ATAD3C: variants seen among roughly 807,000 people sequenced by gnomAD.
ATAD3C encodes ATPase family AAA domain-containing protein 3C.
In ATAD3C, 38 loss-of-function variants were observed where a neutral mutation model predicts 46.3. That is an observed-to-expected ratio of 0.82 (90% CI 0.63 to 1.08). The LOEUF is 1.08. Ranked by LOEUF, ATAD3C falls within the 50% of genes least tolerant of loss-of-function variation. The pLI is 0.00. For synonymous variants in ATAD3C, 220 were observed against 236.4 expected (o/e 0.93, Z 0.63); for missense variants, 563 against 572.7 (o/e 0.98, Z 0.17).
chr1:1,455,311 T>C, intron 4 of ATAD3C, 149 bp from the exon 5 acceptor site: 1 of 1,037,680 alleles, frequency 9.6e-7, no homozygotes, highest in Non-Finnish European at 1.4e-6. Flanking sequence ...ACACCCAGTC[T>C]CCCGGCGGGG....
At chr1:1,452,267 G>T in intron 2 of ATAD3C, 98 bp from the exon 3 acceptor site, 4 of 1,597,394 alleles carry the variant, frequency 2.5e-6, no homozygotes, top group Non-Finnish European at 1.7e-6. Flanking sequence ...GTCCTGGCAG[G>T]ACCAGGCTGC....
intron 1 of ATAD3C, 21 bp downstream of exon 1, chr1:1,450,779 C>G (rs2489827): frequency 6.2e-7 from 1 of 1,611,462 alleles, no homozygotes; most frequent in Non-Finnish European, 8.5e-7. Context: ...CCGGTGTGGG[C>G]GGGGAGGCCG....
Position 1,462,477 on chromosome 1 carries a change from TAG to T in ATAD3C, c.981-118_981-117del, listed in dbSNP as rs1639084116. 25 of 1,042,788 alleles carry T rather than the reference TAG, an allele frequency of 2.4e-5. 1 individual carries two copies. Among genetic ancestry groups the T allele is most frequent in the Non-Finnish European group, 1.0e-5 (7 of 698,366 alleles). 64.6% of individuals were successfully genotyped at this position (1,042,788 alleles called of 1,614,324 possible). A position where few individuals can be genotyped will look rare whatever the true frequency, so the allele number is the denominator to read the frequency against. ...GGGGGCGGAACTTGGCTGTCACAGG[TAG>T]AGAGTCCCTCTCAAGGGGGCATCTG... On this transcript the variant is annotated intron_variant, in intron 10 of 11. Coordinates refer to ENST00000378785, the MANE Select transcript of ATAD3C (RefSeq NM_001039211.3). The surrounding 1 kb of genome is among the most constrained non-coding windows in gnomAD (Gnocchi z 4.5).
chr1:1,457,967 C>T lies in ATAD3C; in HGVS notation c.741+787C>T, dbSNP rs188078767. 1.7e-3 allele frequency among the ~76,000 whole-genome samples: 261 copies of T among 151,766 alleles called. 2 individuals carry two copies. Among genetic ancestry groups the T allele is most frequent in the African/African-American group, 5.8e-3 (241 of 41,382 alleles). On this transcript the variant is annotated intron_variant, in intron 8 of 11. Coordinates refer to ENST00000378785, the MANE Select transcript of ATAD3C (RefSeq NM_001039211.3). ...CTGGTATTATAGGTGTGAGCCACTG[C>T]ACCCGGTCTATTTTTATTTTTATTT... is the stretch of plus-strand genomic sequence containing the variant.
At chr1:1,457,555 T>C (rs1184778729) in intron 8 of ATAD3C, among the ~76,000 whole-genome samples, 10 of 131,612 alleles carry the variant, frequency 7.6e-5, no homozygotes, top group African/African-American at 2.5e-4. Context: ...GAGATCGTGC[T>C]GCTGCACTCC....
chr1:1,465,287 T>C (rs1162021736), intron 11 of ATAD3C, among the ~76,000 whole-genome samples: 1 of 151,754 alleles, frequency 6.6e-6, no homozygotes, highest in Non-Finnish European at 1.5e-5. Flanking sequence ...TTTCATAATT[T>C]CCCTTTCAGA....
chr1:1,464,427 C>T (rs368647977), intron 11 of ATAD3C, among the ~76,000 whole-genome samples: 1 of 150,966 alleles, frequency 6.6e-6, no homozygotes, highest in East Asian at 1.9e-4. Flanking sequence ...CTGCTCACAG[C>T]GGTGGTGGTG....
chr1:1,467,644 C>T (rs184304312), intron 11 of ATAD3C, among the ~76,000 whole-genome samples: 3,394 of 152,136 alleles, frequency 0.022, 174 homozygotes, highest in Admixed American at 0.11. Context: ...CTCAGCTGTC[C>T]GGGAAGGGTC....
intron 11 of ATAD3C, among the ~76,000 whole-genome samples, chr1:1,463,378 G>C (rs534730431): frequency 2.2e-4 from 33 of 152,246 alleles, no homozygotes; most frequent in South Asian, 2.1e-3. Context: ...CACAGAGTCT[G>C]TGTGACAATC....
chr1:1,458,390 T>A (rs1347901234), intron 8 of ATAD3C, among the ~76,000 whole-genome samples: 3 of 151,420 alleles, frequency 2.0e-5, no homozygotes, highest in Admixed American at 2.0e-4. Flanking sequence ...TTCCCCTGCC[T>A]CGGCCTCCCA....
At position 1,462,801 on chromosome 1, in the gene ATAD3C, G is replaced by A. The variant is rs535825837; in HGVS notation, c.1089+93G>A. The A allele has an allele frequency of 3.7e-5, 53 of 1,420,468 alleles. No individual in the cohort carries two copies. The highest frequency in any genetic ancestry group is 1.5e-4 in the East Asian group (6 of 39,776). 88.0% of individuals were successfully genotyped at this position (1,420,468 alleles called of 1,614,324 possible). ...AGGCCTGTCCCAGCACCGGTGTCAC[G>A]TGGGAGCTTCTGTTGAGGGGTTTTC... On this transcript the variant is annotated intron_variant, in intron 11 of 11. Transcript: ENST00000378785. This position sits in a 1 kb window ranked among gnomAD's most constrained non-coding sequence, Gnocchi z 4.5.
At position 1,459,852 on chromosome 1, in the gene ATAD3C, T is replaced by C. The variant is rs918231603; in HGVS notation, c.812+621T>C. On this transcript the variant is annotated intron_variant, in intron 9 of 11. Coordinates refer to ENST00000378785, the MANE Select transcript of ATAD3C (RefSeq NM_001039211.3). The surrounding 1 kb of genome is among the most constrained non-coding windows in gnomAD (Gnocchi z 4.9). ...TTTTGAGTTTTCTTGGTCTCCTGGG[T>C]CCCTCCAGCCCCAGTCACGTGTCAC... Among the ~76,000 whole-genome samples the C allele has an allele frequency of 6.6e-5, 10 of 151,926 alleles. No individual in the cohort carries two copies. Among genetic ancestry groups the C allele is most frequent in the African/African-American group, 9.7e-5 (4 of 41,386 alleles).
In ATAD3C at chr1:1,450,410, T is replaced by G. The variant is rs1383600841; in HGVS notation, c.-274T>G. On this transcript the variant is annotated 5_prime_UTR_variant, in exon 1 of 12. Transcript: ENST00000378785. ...CTTTCTGTTGAATTGGGAAAGAGCC[T>G]CCTCCCGTCCACATGGGATGGCCTT... 5.0e-6 allele frequency: 2 copies of G among 397,414 alleles called. No homozygotes were observed. Among genetic ancestry groups the G allele is most frequent in the Non-Finnish European group, 9.4e-6 (2 of 212,034 alleles). The allele number at this position is 397,414 out of a possible 1,614,324, so 24.6% of individuals were successfully genotyped here. A position where few individuals can be genotyped will look rare whatever the true frequency, so the allele number is the denominator to read the frequency against.
Position 1,452,034 on chromosome 1 carries a change from GCTT to G in ATAD3C, c.76-6_76-4del, listed in dbSNP as rs780310897. 9.5e-5 allele frequency: 154 copies of G among 1,613,370 alleles called. 2 individuals carry two copies. Among genetic ancestry groups the G allele is most frequent in the South Asian group, 8.0e-4 (73 of 90,996 alleles). On this transcript the variant is annotated splice_polypyrimidine_tract_variant and intron_variant, in intron 1 of 11. Transcript: ENST00000378785. ...TTAAAGGCTTTTCTCTTTTTCTGCGGCTTCTTCTCAGCAACTTGTCAATGAGGA... is the reference window on the plus strand; with the variant it reads ...TTAAAGGCTTTTCTCTTTTTCTGCGGCTTCTCAGCAACTTGTCAATGAGGA...
rs1357987480 is a variant in ATAD3C at position 1,454,493 on chromosome 1, C to T, written c.371C>T (p.Pro124Leu). Reference protein sequence around the residue: ...RITVLEALRHPIQQVSRRLLS... With the variant: ...RITVLEALRHLIQQVSRRLLS... The stretch of plus-strand genomic sequence containing the variant: ...ACGGTGCTTGAGGCGCTGCGGCACC[C>T]CATCCAGGTAGCGGCGCAGGCCTGG... The change falls in exon 4 of 12, where the codon CCC becomes CTC. Residue 124 changes from proline (P) to leucine (L), a missense_variant. By Grantham distance (98) the Pro-to-Leu change is moderately conservative. Coordinates refer to ENST00000378785, the MANE Select transcript of ATAD3C (RefSeq NM_001039211.3). 7.5e-6 allele frequency: 12 copies of T among 1,608,328 alleles called. No individual in the cohort carries two copies. Among genetic ancestry groups the T allele is most frequent in the Non-Finnish European group, 1.0e-5 (12 of 1,179,028 alleles).
rs192038079 is a variant in ATAD3C, at chr1:1,461,689, G to C, written c.980+772G>C. Among the ~76,000 whole-genome samples, 299 of 146,838 alleles carry C rather than the reference G, an allele frequency of 2.0e-3. 5 individuals are homozygous for C. The highest frequency in any genetic ancestry group is 7.2e-3 in the African/African-American group (285 of 39,392). Reference sequence around the variant, plus strand: ...CTCATGAGACCCCCATGTAGGGACTGGAGGGAGAGGCTCCTCATGAGACCC... The same window carrying C: ...CTCATGAGACCCCCATGTAGGGACTCGAGGGAGAGGCTCCTCATGAGACCC... On this transcript the variant is annotated intron_variant, in intron 10 of 11. Coordinates refer to ENST00000378785, the MANE Select transcript of ATAD3C (RefSeq NM_001039211.3).
Position 1,462,854 on chromosome 1 carries a change from G to C in ATAD3C, c.1089+146G>C. 1 of 1,024,726 alleles carries C rather than the reference G, an allele frequency of 9.8e-7. No homozygotes were observed. Among genetic ancestry groups the C allele is most frequent in the Non-Finnish European group, 1.4e-6 (1 of 710,386 alleles). 63.5% of individuals were successfully genotyped at this position (1,024,726 alleles called of 1,614,324 possible). On this transcript the variant is annotated intron_variant, in intron 11 of 11. Coordinates refer to ENST00000378785, the MANE Select transcript of ATAD3C (RefSeq NM_001039211.3). This position sits in a 1 kb window ranked among gnomAD's most constrained non-coding sequence, Gnocchi z 4.5. ...TGCACAGATGTGACACGGGGCCCCT[G>C]CCCCAGTTGGGCCACTCCACGCAGC...
In ATAD3C at chr1:1,469,581, G is replaced by C. The variant is rs1175112739; in HGVS notation, c.*1051G>C. 6.6e-6 allele frequency: 1 copy of C among 151,678 alleles called. No individual in the cohort carries two copies. Among genetic ancestry groups the C allele is most frequent in the Non-Finnish European group, 1.5e-5 (1 of 68,012 alleles). The allele number at this position is 151,678 out of a possible 1,614,324, so 9.4% of individuals were successfully genotyped here. ...TGGGTAGAGACAGGGTCCCTTTGTT[G>C]CCCAGGCTGGTCTCCAACTCCTGGG... On this transcript the variant is annotated 3_prime_UTR_variant, in exon 12 of 12. Coordinates refer to ENST00000378785, the MANE Select transcript of ATAD3C (RefSeq NM_001039211.3).
At chr1:1,452,900 G>C (rs1336910366) in intron 3 of ATAD3C, among the ~76,000 whole-genome samples, 1 of 151,970 alleles carries the variant, frequency 6.6e-6, no homozygotes, top group Non-Finnish European at 1.5e-5. Context: ...CTGAGAGTTT[G>C]AAGTTCACAG....
Sources: allele counts gnomAD v4.1 joint callset (sites outside exome capture counted in the v4.1 genomes callset), GRCh38; gene constraint gnomAD v4.1.1; non-coding constraint Gnocchi (gnomAD v3.1); transcripts MANE v1.5; gene names NCBI Gene and HGNC (gene_info 2026-07-23, HGNC 2026-07-21).